Variants in PTPRK observed in about 807,000 individuals in gnomAD.
PTPRK encodes protein tyrosine phosphatase receptor type K, also known as receptor-type tyrosine-protein phosphatase kappa.
In PTPRK, 75 loss-of-function variants were observed where a neutral mutation model predicts 178.0. The ratio of observed to expected loss-of-function variants is 0.42; its 90% CI spans 0.35 to 0.51. PTPRK has a LOEUF of 0.51. PTPRK is among the 20% of genes least tolerant of loss of function. The pLI, the probability that PTPRK is intolerant of heterozygous loss-of-function variation, is 0.02. For synonymous variants in PTPRK, 637 were observed against 620.6 expected, an observed-to-expected ratio of 1.03 and a Z score of -0.39; for missense variants, 1,441 against 1,797.8, an observed-to-expected ratio of 0.80 and a Z score of 3.59.
At chr6:128,012,512 T>C (rs1476870208) in intron 13 of PTPRK, among the ~76,000 whole-genome samples, 1 of 151,302 alleles carries the variant, frequency 6.6e-6, no homozygotes, top group East Asian at 1.9e-4. Context: ...CATAAATCTT[T>C]ACCATTTTTT....
At chr6:128,473,333 C>T (rs1318399580) in intron 1 of PTPRK, among the ~76,000 whole-genome samples, 1 of 151,258 alleles carries the variant, frequency 6.6e-6, no homozygotes, top group Non-Finnish European at 1.5e-5. Context: ...TACCTGAAAG[C>T]ACATGATATC....
At chr6:128,320,448 GT>G (rs943163446) in intron 3 of PTPRK, among the ~76,000 whole-genome samples, 4 of 152,194 alleles carry the variant, frequency 2.6e-5, no homozygotes, top group African/African-American at 9.6e-5. Flanking sequence ...TATTGTTCTT[GT>G]TTTAAAGTAC....
At chr6:128,237,141 T>C (rs1364763576) in intron 5 of PTPRK, among the ~76,000 whole-genome samples, 1 of 152,248 alleles carries the variant, frequency 6.6e-6, no homozygotes, top group Non-Finnish European at 1.5e-5. Context: ...AGTTATAGTA[T>C]ATCATTTTTC....
intron 5 of PTPRK, 104 bp downstream of exon 5, chr6:128,239,931 G>C (rs553368764): frequency 1.4e-6 from 1 of 702,520 alleles, no homozygotes; most frequent in Non-Finnish European, 2.3e-6. Flanking sequence ...GTGTGCACAC[G>C]CACACACACA....
At chr6:128,377,621 A>C (rs1412785042) in intron 2 of PTPRK, among the ~76,000 whole-genome samples, 1 of 151,992 alleles carries the variant, frequency 6.6e-6, no homozygotes, top group Non-Finnish European at 1.5e-5. Context: ...TAGTACTTTG[A>C]TTTGTATTTC....
intron 1 of PTPRK, among the ~76,000 whole-genome samples, chr6:128,509,193 T>C (rs1274018184): frequency 6.6e-6 from 1 of 152,100 alleles, no homozygotes; most frequent in Non-Finnish European, 1.5e-5. Flanking sequence ...TAAGGGTGGG[T>C]TCCATACGAG....
intron 7 of PTPRK, among the ~76,000 whole-genome samples, chr6:128,134,876 C>T (rs112996163): frequency 0.026 from 3,921 of 152,100 alleles, 74 homozygotes; most frequent in Middle Eastern, 0.095. Context: ...CCCTCCATAA[C>T]GTGGGTGAAC....
At chr6:128,060,542 T>C (rs980607559) in intron 13 of PTPRK, among the ~76,000 whole-genome samples, 46 of 152,270 alleles carry the variant, frequency 3.0e-4, no homozygotes, top group African/African-American at 8.4e-4. Flanking sequence ...GAATAGGTCC[T>C]TCACATTGAA....
At chr6:128,016,117 CA>C (rs994162742) in intron 13 of PTPRK, among the ~76,000 whole-genome samples, 2 of 151,662 alleles carry the variant, frequency 1.3e-5, no homozygotes, top group Non-Finnish European at 2.9e-5. Context: ...ACCATCCTTT[CA>C]AGATGTTAAA....
At chr6:128,371,800 T>TGGGAGGTCGAGGCTGCA (rs1836329228) in intron 2 of PTPRK, among the ~76,000 whole-genome samples, 1 of 151,458 alleles carries the variant, frequency 6.6e-6, no homozygotes, top group Non-Finnish European at 1.5e-5. Flanking sequence ...TGCTTAAACC[T>TGGGAGGTCGAGGCTGCA]GGGAGGTCGA....
At chr6:128,182,115 T>C (rs915642953) in intron 7 of PTPRK, among the ~76,000 whole-genome samples, 8 of 152,154 alleles carry the variant, frequency 5.3e-5, no homozygotes, top group Non-Finnish European at 2.9e-5. Context: ...ATGTGAAAGA[T>C]AGTTTTAAAA....
intron 1 of PTPRK, among the ~76,000 whole-genome samples, chr6:128,438,941 C>T (rs894618594): frequency 2.0e-5 from 3 of 151,992 alleles, no homozygotes; most frequent in South Asian, 4.2e-4. Flanking sequence ...AAAAAATGAC[C>T]ATATAATTAT....
chr6:128,330,181 C>T (rs947150331), intron 2 of PTPRK, among the ~76,000 whole-genome samples: 3 of 152,154 alleles, frequency 2.0e-5, no homozygotes, highest in Non-Finnish European at 4.4e-5. Context: ...TAATCAGGAT[C>T]TCTAAGTAGA....
At chr6:128,302,126 C>T (rs922336256) in intron 3 of PTPRK, among the ~76,000 whole-genome samples, 9 of 152,040 alleles carry the variant, frequency 5.9e-5, no homozygotes, top group Admixed American at 1.3e-4. Flanking sequence ...AGGTGGCTCA[C>T]GCCTGTAATC....
intron 1 of PTPRK, among the ~76,000 whole-genome samples, chr6:128,476,785 T>C (rs1422211584): frequency 2.0e-5 from 3 of 151,998 alleles, no homozygotes; most frequent in Non-Finnish European, 4.4e-5. Context: ...ATTTAAGTCC[T>C]GGAAATCTGC....
chr6:128,199,374 T>C (rs1056037189), intron 6 of PTPRK, among the ~76,000 whole-genome samples: 1 of 152,140 alleles, frequency 6.6e-6, no homozygotes, highest in East Asian at 1.9e-4. Flanking sequence ...ACTATTCATA[T>C]GTAAGATGCC....
intron 6 of PTPRK, among the ~76,000 whole-genome samples, chr6:128,194,067 T>TATATATATATATA (rs1491310879): frequency 5.8e-5 from 4 of 68,854 alleles, no homozygotes; most frequent in African/African-American, 3.0e-4. Flanking sequence ...TATATATATA[T>TATATATATATATA]TATTATTATT....
intron 1 of PTPRK, among the ~76,000 whole-genome samples, chr6:128,433,843 A>C (rs1195066445): frequency 8.3e-6 from 1 of 120,810 alleles, no homozygotes; most frequent in African/African-American, 4.3e-5. Context: ...TTTTTTTTTT[A>C]CAGACATTTA....
rs145277984 is a variant in PTPRK at position 127,987,590 on chromosome 6, T to C, written c.3097-1715A>G. Among the ~76,000 whole-genome samples the C allele has an allele frequency of 1.1e-4, 16 of 152,250 alleles. No individual in the cohort carries two copies. The East Asian group carries it at 2.5e-3, about 24-fold the overall frequency. ...GCAGATTTGGTCATTTAAATAAATG[T>C]TTATACATCCCATTTAAAAATATTA... On this transcript the variant is annotated intron_variant, in intron 21 of 29. Coordinates refer to ENST00000368226, the MANE Select transcript of PTPRK (RefSeq NM_002844.4).
Sources: allele counts gnomAD v4.1 joint callset (sites outside exome capture counted in the v4.1 genomes callset), GRCh38; gene constraint gnomAD v4.1.1; transcripts MANE v1.5; gene names NCBI Gene and HGNC (gene_info 2026-07-23, HGNC 2026-07-21).